Variants in NRCAM observed in about 807,000 individuals in gnomAD.
NRCAM encodes neuronal cell adhesion molecule.
In NRCAM, 83 loss-of-function variants were observed where a neutral mutation model predicts 156.5. That is an observed-to-expected ratio of 0.53 (90% CI 0.44 to 0.64). NRCAM has a LOEUF of 0.64. NRCAM is among the 30% of genes least tolerant of loss of function. The pLI is 0.00. For missense variants in NRCAM, 1,417 were observed against 1,597.3 expected, an observed-to-expected ratio of 0.89 and a Z score of 1.92; for synonymous variants, 538 against 563.9, an observed-to-expected ratio of 0.95 and a Z score of 0.65.
chr7:108,362,036 C>T (rs1309064543), intron 2 of NRCAM, among the ~76,000 whole-genome samples: 1 of 152,082 alleles, frequency 6.6e-6, no homozygotes, highest in Non-Finnish European at 1.5e-5. Flanking sequence ...CTCATAATGC[C>T]CCAAACTGGA....
chr7:108,383,153 C>CACACACACACAA (rs10669547), intron 2 of NRCAM, among the ~76,000 whole-genome samples: 17,516 of 151,474 alleles, frequency 0.12, 1,619 homozygotes, highest in African/African-American at 0.26. Flanking sequence ...CACACACACA[C>CACACACACACAA]ACCCCTTGGT....
At chr7:108,169,899 A>T (rs2057399749) in intron 28 of NRCAM, among the ~76,000 whole-genome samples, 1 of 152,214 alleles carries the variant, frequency 6.6e-6, no homozygotes, top group Non-Finnish European at 1.5e-5. Context: ...TACTTCTAAC[A>T]CAAGAGCATT....
Position 108,148,479 on chromosome 7 carries a change from T to C in NRCAM, c.*1431A>G, listed in dbSNP as rs1426733296. 4 of 152,762 alleles carry C rather than the reference T, an allele frequency of 2.6e-5. No homozygotes were observed. Among genetic ancestry groups the C allele is most frequent in the African/African-American group, 7.2e-5 (3 of 41,586 alleles). The allele number at this position is 152,762 out of a possible 1,614,324, so 9.5% of individuals were successfully genotyped here. Reference sequence around the variant, plus strand: ...ATGAAACTGAGCATTCCTTCAACCATAGGTTGTTATAGATTTTCATATTTG... The same window carrying C: ...ATGAAACTGAGCATTCCTTCAACCACAGGTTGTTATAGATTTTCATATTTG... On this transcript the variant is annotated 3_prime_UTR_variant, in exon 33 of 33. Transcript: ENST00000379028.
chr7:108,164,200 GGGGTGGGGTAGTGAGAGGTCATACCAGGT>G (rs2051909526), intron 30 of NRCAM, among the ~76,000 whole-genome samples: 1 of 148,950 alleles, frequency 6.7e-6, no homozygotes, highest in African/African-American at 2.5e-5. Context: ...CATACCAGGT[GGGGTGGGGTAGTGAGAGGTCATACCAGGT>G]GGGGTGGGGT....
At chr7:108,362,174 G>A (rs544377295) in intron 2 of NRCAM, among the ~76,000 whole-genome samples, 8 of 152,288 alleles carry the variant, frequency 5.3e-5, no homozygotes, top group Admixed American at 3.9e-4. Flanking sequence ...GAAAGTCCCA[G>A]ATCAAAGCCT....
rs116731484 is a variant in NRCAM, at chr7:108,415,059, C to A, written c.-331-15466G>T. Among the ~76,000 whole-genome samples, 789 of 152,260 alleles carry A rather than the reference C, an allele frequency of 5.2e-3. 7 individuals are homozygous for A. The highest frequency in any genetic ancestry group is 0.017 in the African/African-American group (712 of 41,538). On this transcript the variant is annotated intron_variant, in intron 1 of 32. Transcript: ENST00000379028. ...GAAGAGATGAAAAAGAAAAAAAATA[C>A]TCCATTTCTTAGGAGGTTGCAGTAT... is the stretch of plus-strand genomic sequence containing the variant.
At chr7:108,174,225 T>A (rs1345861816) in intron 28 of NRCAM, among the ~76,000 whole-genome samples, 1 of 152,222 alleles carries the variant, frequency 6.6e-6, no homozygotes, top group Non-Finnish European at 1.5e-5. Context: ...ATAATACTCT[T>A]AAGATTACTG....
At chr7:108,166,565 A>G (rs76280450) in intron 30 of NRCAM, among the ~76,000 whole-genome samples, 3,691 of 152,180 alleles carry the variant, frequency 0.024, 65 homozygotes, top group Non-Finnish European at 0.036. Context: ...TGACTTTCTT[A>G]TAAGTTCTTT....
intron 3 of NRCAM, among the ~76,000 whole-genome samples, chr7:108,259,380 C>G (rs1325801102): frequency 6.6e-6 from 1 of 152,202 alleles, no homozygotes; most frequent in Non-Finnish European, 1.5e-5. Flanking sequence ...CAGGAACGCT[C>G]TGACACTATT....
Position 108,168,302 on chromosome 7 carries a change from A to G in NRCAM, c.3288T>C (p.Phe1096=). ...WEYEGPEHVN[F]YVEYGVAGSK... ...TGCCTGCTACACCATATTCAACATA[A>G]AAGTTCACATGCTCTGGTCCCTCAT... Residue 1096 remains phenylalanine (F), a synonymous_variant, in exon 29 of 33, where the codon TTT becomes TTC. Transcript: ENST00000379028. 6.3e-7 allele frequency: 1 copy of G among 1,597,906 alleles called. No homozygotes were observed. Among genetic ancestry groups the G allele is most frequent in the South Asian group, 1.1e-5 (1 of 86,988 alleles).
intron 32 of NRCAM, among the ~76,000 whole-genome samples, chr7:108,158,368 A>T (rs924633094): frequency 1.3e-5 from 2 of 152,158 alleles, no homozygotes; most frequent in African/African-American, 4.8e-5. Flanking sequence ...CTGGAAAATG[A>T]TATGAAAATG....
intron 2 of NRCAM, among the ~76,000 whole-genome samples, chr7:108,330,328 G>T (rs984720764): frequency 3.9e-5 from 6 of 152,106 alleles, no homozygotes; most frequent in African/African-American, 1.4e-4. Flanking sequence ...TACTTAAAAT[G>T]GTGCTTTAAA....
chr7:108,447,816 T>C (rs1846136006), intron 1 of NRCAM, among the ~76,000 whole-genome samples: 1 of 152,258 alleles, frequency 6.6e-6, no homozygotes, highest in Non-Finnish European at 1.5e-5. Context: ...GTTACTGCAA[T>C]GACCCAAAGT....
chr7:108,360,509 G>T (rs1016905560), intron 2 of NRCAM, among the ~76,000 whole-genome samples: 3 of 152,134 alleles, frequency 2.0e-5, no homozygotes, highest in Non-Finnish European at 4.4e-5. Context: ...TAAAATTCAC[G>T]TGAAACAAAA....
At chr7:108,233,060 A>T (rs1218542561) in intron 6 of NRCAM, among the ~76,000 whole-genome samples, 1 of 152,212 alleles carries the variant, frequency 6.6e-6, no homozygotes, top group Non-Finnish European at 1.5e-5. Context: ...GCTTATTAAA[A>T]ATAGTAACTC....
intron 3 of NRCAM, among the ~76,000 whole-genome samples, chr7:108,251,130 G>A (rs1454814801): frequency 6.6e-6 from 1 of 152,032 alleles, no homozygotes; most frequent in Non-Finnish European, 1.5e-5. Flanking sequence ...GCAATTTTCT[G>A]TGAGTAAACT....
chr7:108,436,151 A>AATAC (rs973030383), intron 1 of NRCAM, among the ~76,000 whole-genome samples: 5 of 152,216 alleles, frequency 3.3e-5, no homozygotes, highest in Admixed American at 1.3e-4. Flanking sequence ...TAAATAAATA[A>AATAC]ATAAAAAATA....
intron 26 of NRCAM, among the ~76,000 whole-genome samples, chr7:108,177,184 ATTTTTTGATAACAG>A: frequency 6.6e-6 from 1 of 152,322 alleles, no homozygotes; most frequent in East Asian, 1.9e-4. Context: ...ACTAGCTTGT[ATTTTTTGATAACAG>A]TTAAGTTAAA....
At chr7:108,437,613 G>A (rs1475827419) in intron 1 of NRCAM, among the ~76,000 whole-genome samples, 1 of 151,894 alleles carries the variant, frequency 6.6e-6, no homozygotes, top group Non-Finnish European at 1.5e-5. Flanking sequence ...AAACAACGGA[G>A]GCCTGAAGGC....
Sources: allele counts gnomAD v4.1 joint callset (sites outside exome capture counted in the v4.1 genomes callset), GRCh38; gene constraint gnomAD v4.1.1; transcripts MANE v1.5; gene names NCBI Gene and HGNC (gene_info 2026-07-23, HGNC 2026-07-21).